FBRSL1: variants seen among roughly 807,000 people sequenced by gnomAD.
The protein encoded by FBRSL1 is fibrosin like 1.
Under a neutral mutation model 89.6 loss-of-function variants are expected in FBRSL1, and 51 were observed. The observed-to-expected ratio is 0.57, with a 90% CI of 0.45 to 0.72. FBRSL1 has a LOEUF of 0.72. FBRSL1 is among the 30% of genes least tolerant of loss of function. The pLI is 0.00. For missense variants in FBRSL1, 1,618 were observed against 1,451.8 expected (o/e 1.11, Z -1.86); for synonymous variants, 779 against 681.1 (o/e 1.14, Z -2.24).
rs1444928995 is a variant in FBRSL1 at position 132,570,587 on chromosome 12, G to A, written c.1213+47G>A. On this transcript the variant is annotated intron_variant, in intron 8 of 18. Transcript: ENST00000680143. ...TCGCCCAGGGCAGGGGTTGGGGGGT[G>A]CGGGGACACGGCCACCGGGGAGGGG... 7.7e-6 allele frequency: 11 copies of A among 1,420,586 alleles called. No homozygotes were observed. The East Asian group carries it at 2.4e-4, about 31-fold the overall frequency. The allele number at this position is 1,420,586 out of a possible 1,614,324, so 88.0% of individuals were successfully genotyped here.
At chr12:132,519,430 A>G (rs148389702) in intron 2 of FBRSL1, among the ~76,000 whole-genome samples, 1 of 152,350 alleles carries the variant, frequency 6.6e-6, no homozygotes, top group Non-Finnish European at 1.5e-5. Context: ...AGGGTCCTGG[A>G]GACAGACAAC....
At chr12:132,531,184 G>C (rs1480770261) in intron 4 of FBRSL1, among the ~76,000 whole-genome samples, 1 of 130,132 alleles carries the variant, frequency 7.7e-6, no homozygotes. Context: ...CCCAGGAGCA[G>C]GACAGGACCC....
At chr12:132,511,083 C>G in intron 2 of FBRSL1, 1 of 985,722 alleles carries the variant, frequency 1.0e-6, no homozygotes, top group Non-Finnish European at 1.2e-6. Flanking sequence ...GGCCCTCCCC[C>G]TGGTAGTCAG....
Position 132,570,080 on chromosome 12 carries a change from C to G in FBRSL1, c.846C>G (p.Arg282=), listed in dbSNP as rs1181430073. Residue 282 remains arginine (R), a synonymous_variant, in exon 7 of 19, where the codon CGC becomes CGG. Transcript: ENST00000680143. The part of the protein sequence containing the change: ...APCPGPPPGS[R]ANPLVKKEPP... Reference sequence around the variant, plus strand: ...GCCCGGGGCCCCCGCCCGGCTCCCGCGCCAATCCCTTGGTGAAGAAGGAAC... The same window carrying G: ...GCCCGGGGCCCCCGCCCGGCTCCCGGGCCAATCCCTTGGTGAAGAAGGAAC... The G allele has an allele frequency of 2.0e-6, 3 of 1,488,822 alleles. No homozygotes were observed. The highest frequency in any genetic ancestry group is 2.7e-6 in the Non-Finnish European group (3 of 1,126,904). The allele number at this position is 1,488,822 out of a possible 1,614,324, so 92.2% of individuals were successfully genotyped here.
At chr12:132,528,627 C>T (rs575760926) in intron 4 of FBRSL1, among the ~76,000 whole-genome samples, 4 of 147,302 alleles carry the variant, frequency 2.7e-5, no homozygotes, top group Admixed American at 1.3e-4. Context: ...GGTGTGTGTC[C>T]GGGGGAGCGG....
intron 9 of FBRSL1, chr12:132,571,891 G>A: frequency 3.0e-6 from 1 of 337,374 alleles, no homozygotes; most frequent in Non-Finnish European, 5.4e-6. Context: ...GGCCCGGTCT[G>A]AGGAGGGAGT....
intron 5 of FBRSL1, chr12:132,551,917 G>T: frequency 6.7e-6 from 2 of 298,258 alleles, no homozygotes; most frequent in South Asian, 6.1e-5. Context: ...GCTGCCGGGG[G>T]CTGCCACGGC....
At chr12:132,565,532 T>TACACGTACCTGAGTGTGCTCAC (rs1248376334) in intron 5 of FBRSL1, 1 of 151,514 alleles carries the variant, frequency 6.6e-6, no homozygotes, top group Admixed American at 6.6e-5. Flanking sequence ...AGTGTGCTCA[T>TACACGTACCTGAGTGTGCTCAC]GTACACGTAC....
intron 1 of FBRSL1, 61 bp downstream of exon 1, chr12:132,490,922 G>C (rs2030781445): frequency 3.5e-6 from 4 of 1,129,892 alleles, no homozygotes; most frequent in Non-Finnish European, 4.4e-6. Flanking sequence ...GAGTTGACGC[G>C]TCGGGCGATC....
chr12:132,577,095 C>T (rs2040428987), intron 15 of FBRSL1, among the ~76,000 whole-genome samples, 164 bp downstream of exon 15: 1 of 152,108 alleles, frequency 6.6e-6, no homozygotes, highest in South Asian at 2.1e-4. Flanking sequence ...GCAACTCCCT[C>T]ACCTCACCCC....
intron 15 of FBRSL1, among the ~76,000 whole-genome samples, chr12:132,578,366 C>CACACACACACACACACACACAA (rs1257586074): frequency 2.6e-5 from 4 of 151,938 alleles, no homozygotes; most frequent in African/African-American, 4.8e-5. Context: ...CACACACACA[C>CACACACACACACACACACACAA]AAAATCATAG....
intron 5 of FBRSL1, among the ~76,000 whole-genome samples, chr12:132,564,880 C>T (rs541500600): frequency 3.9e-5 from 6 of 152,132 alleles, no homozygotes; most frequent in Non-Finnish European, 7.3e-5. Flanking sequence ...CCGCCGGCCT[C>T]GGCCTCCCGC....
At chr12:132,578,960 C>A (rs1372875848) in intron 15 of FBRSL1, among the ~76,000 whole-genome samples, 1 of 152,264 alleles carries the variant, frequency 6.6e-6, no homozygotes, top group Non-Finnish European at 1.5e-5. Flanking sequence ...CTGTCCGCAT[C>A]CTGGCTCAAG....
At chr12:132,523,146 C>G (rs1183271305) in intron 2 of FBRSL1, among the ~76,000 whole-genome samples, 8 of 152,148 alleles carry the variant, frequency 5.3e-5, no homozygotes, top group African/African-American at 1.4e-4. Flanking sequence ...GTGATCTTGT[C>G]CCTCCAGCTC....
chr12:132,502,736 C>T (rs1430552425), intron 1 of FBRSL1, among the ~76,000 whole-genome samples: 1 of 148,232 alleles, frequency 6.7e-6, no homozygotes, highest in Non-Finnish European at 1.5e-5. Flanking sequence ...CCGCTATCCC[C>T]ATGCCTGCCT....
chr12:132,513,964 G>A (rs533703532), intron 2 of FBRSL1, among the ~76,000 whole-genome samples: 9 of 152,282 alleles, frequency 5.9e-5, no homozygotes, highest in African/African-American at 2.2e-4. Context: ...ACCCTCGTCC[G>A]AGGGCCCCGT....
intron 18 of FBRSL1, 143 bp downstream of exon 18, chr12:132,582,409 T>TTCCCCGTTCCCCC (rs1159103443): frequency 1.9e-6 from 1 of 533,246 alleles, no homozygotes; most frequent in African/African-American, 2.5e-5. Context: ...CCTGTTCCCC[T>TTCCCCGTTCCCCC]TCCCCGTTCC....
intron 5 of FBRSL1, among the ~76,000 whole-genome samples, chr12:132,549,192 G>A (rs549692382): frequency 7.8e-4 from 119 of 152,326 alleles, no homozygotes; most frequent in African/African-American, 2.6e-3. Flanking sequence ...TGGGGCAGGC[G>A]CCGTGTGGGC....
chr12:132,571,547 A>AGGGGGC (rs1491279265), intron 9 of FBRSL1: 6 of 1,418,508 alleles, frequency 4.2e-6, no homozygotes, highest in African/African-American at 3.0e-5. Context: ...GCGTGCTGGC[A>AGGGGGC]GGGGGCGGGG....
Sources: gnomAD v4.1 joint callset for allele counts (sites outside exome capture counted in the v4.1 genomes callset) on GRCh38, gnomAD v4.1.1 for gene constraint, MANE v1.5 for transcripts, NCBI Gene and HGNC (gene_info 2026-07-23, HGNC 2026-07-21) for gene names.